RSPO2: variants seen among roughly 807,000 people sequenced by gnomAD.
RSPO2 encodes R-spondin 2.
RSPO2 carries 14 observed loss-of-function variants against 30.9 expected under a neutral mutation model. The ratio of observed to expected loss-of-function variants is 0.45; its 90% CI spans 0.30 to 0.71. The LOEUF (loss-of-function observed/expected upper bound fraction) is 0.71. RSPO2 is among the 30% of genes least tolerant of loss of function. RSPO2 has a pLI of 0.08. For synonymous variants in RSPO2, 107 were observed against 96.4 expected, an observed-to-expected ratio of 1.11 and a Z score of -0.64; for missense variants, 264 against 301.9, an observed-to-expected ratio of 0.87 and a Z score of 0.93.
intron 3 of RSPO2, among the ~76,000 whole-genome samples, chr8:107,973,495 CTGAG>C (rs1814081874): frequency 6.7e-6 from 1 of 149,212 alleles, no homozygotes; most frequent in African/African-American, 2.5e-5. Context: ...AGCTTGGGAA[CTGAG>C]TGATACACAC....
chr8:108,030,110 G>A (rs1811372334), intron 2 of RSPO2, among the ~76,000 whole-genome samples: 1 of 116,244 alleles, frequency 8.6e-6, no homozygotes, highest in South Asian at 2.8e-4. Context: ...AGGGTCCTGG[G>A]ATAGATAGGA....
At chr8:107,991,484 A>T (rs1814847115) in intron 2 of RSPO2, among the ~76,000 whole-genome samples, 1 of 152,208 alleles carries the variant, frequency 6.6e-6, no homozygotes, top group Non-Finnish European at 1.5e-5. Flanking sequence ...TTTAGGACAT[A>T]GGCACAGGCA....
chr8:108,041,898 C>T (rs1811771386), intron 2 of RSPO2, among the ~76,000 whole-genome samples: 1 of 152,052 alleles, frequency 6.6e-6, no homozygotes, highest in African/African-American at 2.4e-5. Context: ...ATAAAGATGG[C>T]AGCCTGGAAG....
intron 5 of RSPO2, among the ~76,000 whole-genome samples, chr8:107,917,673 C>T (rs1332129752): frequency 6.6e-6 from 1 of 152,130 alleles, no homozygotes. Flanking sequence ...GAAAGTCATA[C>T]AGGAAGCATT....
intron 3 of RSPO2, among the ~76,000 whole-genome samples, chr8:107,976,960 T>C (rs1326637833): frequency 6.6e-6 from 1 of 152,044 alleles, no homozygotes; most frequent in Admixed American, 6.6e-5. Context: ...CCAGAACACA[T>C]AAAGTAGTGA....
At chr8:107,988,970 TAA>T in intron 3 of RSPO2, 84 bp downstream of exon 3, 1 of 1,258,622 alleles carries the variant, frequency 7.9e-7, no homozygotes, top group Non-Finnish European at 1.1e-6. Context: ...ACATTTTTTT[TAA>T]AAAAATCATT....
At chr8:107,973,370 A>G (rs1397807170) in intron 3 of RSPO2, among the ~76,000 whole-genome samples, 1 of 148,908 alleles carries the variant, frequency 6.7e-6, no homozygotes, top group African/African-American at 2.6e-5. Context: ...TCTGTATTAC[A>G]TGGTTTAAGG....
At chr8:108,015,583 C>T (rs2130597931) in intron 2 of RSPO2, among the ~76,000 whole-genome samples, 1 of 152,276 alleles carries the variant, frequency 6.6e-6, no homozygotes, top group Non-Finnish European at 1.5e-5. Context: ...ATCCCCCATC[C>T]TGGATTTCTG....
chr8:107,937,420 T>C (rs1382697304), intron 5 of RSPO2, among the ~76,000 whole-genome samples: 1 of 152,072 alleles, frequency 6.6e-6, no homozygotes, highest in East Asian at 1.9e-4. Context: ...AGTCAGGTAA[T>C]GTTAAACCTC....
At chr8:107,955,066 A>G (rs1813378479) in intron 5 of RSPO2, among the ~76,000 whole-genome samples, 1 of 152,150 alleles carries the variant, frequency 6.6e-6, no homozygotes, top group Non-Finnish European at 1.5e-5. Flanking sequence ...CTGAAGTAGG[A>G]AGCTGAAAGC....
chr8:107,989,743 GA>G (rs1302603507), intron 2 of RSPO2, among the ~76,000 whole-genome samples: 3 of 152,236 alleles, frequency 2.0e-5, no homozygotes, highest in Non-Finnish European at 4.4e-5. Flanking sequence ...ACAAGGCTGG[GA>G]TCCAAATCAA....
At chr8:108,030,214 C>A (rs537543835) in intron 2 of RSPO2, among the ~76,000 whole-genome samples, 2 of 151,330 alleles carry the variant, frequency 1.3e-5, no homozygotes, top group Non-Finnish European at 2.9e-5. Context: ...TGAGAAACTG[C>A]AGCTGGATGA....
At chr8:107,983,240 C>T in intron 3 of RSPO2, 1 of 1,582,574 alleles carries the variant, frequency 6.3e-7, no homozygotes, top group Non-Finnish European at 8.6e-7. Flanking sequence ...GCGTATCTTT[C>T]TGAAGCTATG....
At chr8:108,045,769 GACTT>G (rs1040089302) in intron 2 of RSPO2, among the ~76,000 whole-genome samples, 1 of 152,098 alleles carries the variant, frequency 6.6e-6, no homozygotes, top group African/African-American at 2.4e-5. Context: ...CATCTGAAAA[GACTT>G]ACATTAGTGT....
At chr8:107,953,239 A>T (rs1165071880) in intron 5 of RSPO2, among the ~76,000 whole-genome samples, 2 of 152,176 alleles carry the variant, frequency 1.3e-5, no homozygotes, top group African/African-American at 2.4e-5. Flanking sequence ...ATGGTCAAAG[A>T]TGAATGTTGG....
chr8:107,979,724 T>C (rs1814357294), intron 3 of RSPO2, among the ~76,000 whole-genome samples: 1 of 151,642 alleles, frequency 6.6e-6, no homozygotes, highest in East Asian at 1.9e-4. Flanking sequence ...CTCTTCCCTC[T>C]CTTACCCTTG....
At chr8:107,923,027 A>T (rs1812231478) in intron 5 of RSPO2, among the ~76,000 whole-genome samples, 1 of 152,052 alleles carries the variant, frequency 6.6e-6, no homozygotes, top group African/African-American at 2.4e-5. Flanking sequence ...ACAGGCAAAG[A>T]TTTCATGAAG....
intron 3 of RSPO2, among the ~76,000 whole-genome samples, chr8:107,981,134 T>C (rs1433526194): frequency 6.6e-6 from 1 of 152,246 alleles, no homozygotes; most frequent in African/African-American, 2.4e-5. Context: ...GTGTCCACAG[T>C]TGTCCAGATT....
At chr8:107,996,343 G>T (rs1269921040) in intron 2 of RSPO2, among the ~76,000 whole-genome samples, 1 of 152,078 alleles carries the variant, frequency 6.6e-6, no homozygotes, top group African/African-American at 2.4e-5. Context: ...CCTTTAACAT[G>T]AACAACTGAG....
Sources: gnomAD v4.1 joint callset for allele counts (sites outside exome capture counted in the v4.1 genomes callset) on GRCh38, gnomAD v4.1.1 for gene constraint, MANE v1.5 for transcripts, NCBI Gene and HGNC (gene_info 2026-07-23, HGNC 2026-07-21) for gene names.